DAB1: variants seen among roughly 807,000 people sequenced by gnomAD.
DAB1 encodes disabled homolog 1.
DAB1 carries 15 observed loss-of-function variants against 64.6 expected under a neutral mutation model. That is an observed-to-expected ratio of 0.23 (90% confidence interval 0.16 to 0.36). The LOEUF (loss-of-function observed/expected upper bound fraction) is 0.36. Among genes scored for constraint, DAB1 ranks in the 10% least tolerant of loss-of-function variants. The pLI is 1.00. For synonymous variants in DAB1, 235 were observed against 251.9 expected, an observed-to-expected ratio of 0.93 and a Z score of 0.64; for missense variants, 596 against 706.7, an observed-to-expected ratio of 0.84 and a Z score of 1.78.
intron 4 of DAB1, among the ~76,000 whole-genome samples, chr1:58,274,554 G>T (rs1328955017): frequency 7.0e-6 from 1 of 142,748 alleles, no homozygotes; most frequent in East Asian, 2.2e-4. Flanking sequence ...CTTCCTGGCT[G>T]CTTTGTTTAC....
At chr1:58,257,447 T>C (rs1660958726) in intron 4 of DAB1, among the ~76,000 whole-genome samples, 1 of 152,148 alleles carries the variant, frequency 6.6e-6, no homozygotes, top group African/African-American at 2.4e-5. Context: ...TAACACCTTT[T>C]TTTTTCTTTC....
intron 1 of DAB1, among the ~76,000 whole-genome samples, chr1:57,851,885 T>C (rs1479885852): frequency 6.6e-6 from 1 of 152,200 alleles, no homozygotes; most frequent in Non-Finnish European, 1.5e-5. Context: ...CATTCACAAA[T>C]GGCTAACTCC....
intron 5 of DAB1, among the ~76,000 whole-genome samples, chr1:58,134,274 G>A (rs1039116207): frequency 6.6e-6 from 1 of 151,940 alleles, no homozygotes; most frequent in Non-Finnish European, 1.5e-5. Context: ...ATCCTAACAT[G>A]GAGAAAAAAA....
intron 7 of DAB1, among the ~76,000 whole-genome samples, chr1:57,539,621 CT>C (rs1377067503): frequency 6.6e-6 from 1 of 152,186 alleles, no homozygotes; most frequent in Non-Finnish European, 1.5e-5. Flanking sequence ...CTTTGAGCTA[CT>C]TTGTAAAATT....
intron 5 of DAB1, among the ~76,000 whole-genome samples, chr1:57,922,738 C>G (rs572147070): frequency 6.8e-6 from 1 of 147,182 alleles, no homozygotes; most frequent in African/African-American, 2.5e-5. Flanking sequence ...CCCAGCTACT[C>G]GGGAAGCTGA....
chr1:58,299,321 G>A (rs1417028486), intron 4 of DAB1, among the ~76,000 whole-genome samples: 4 of 152,182 alleles, frequency 2.6e-5, no homozygotes, highest in South Asian at 2.1e-4. Flanking sequence ...AGTCCTAAGC[G>A]AGGAGGTATG....
chr1:57,178,344 T>C lies in DAB1; in HGVS notation c.68-32915A>G, dbSNP rs1033988630. 2.0e-5 allele frequency among the ~76,000 whole-genome samples: 3 copies of C among 149,832 alleles called. No homozygotes were observed. The South Asian group carries it at 6.4e-4, about 32-fold the overall frequency. ...CATAGCATAGAACTTCAAACCCAGATGTTATAGAATGGAGTTTTAAAATTG... is the reference window on the plus strand; with the variant it reads ...CATAGCATAGAACTTCAAACCCAGACGTTATAGAATGGAGTTTTAAAATTG... On this transcript the variant is annotated intron_variant, in intron 2 of 14. Coordinates refer to ENST00000371236, the MANE Select transcript of DAB1 (RefSeq NM_001365792.1).
chr1:57,342,871 C>T (rs1192311987), intron 1 of DAB1, among the ~76,000 whole-genome samples: 3 of 152,170 alleles, frequency 2.0e-5, no homozygotes, highest in African/African-American at 7.2e-5. Context: ...AGTGAAGCTG[C>T]AGACCTTTGC....
At chr1:57,420,439 G>A (rs1325923261) in intron 1 of DAB1, among the ~76,000 whole-genome samples, 1 of 152,132 alleles carries the variant, frequency 6.6e-6, no homozygotes, top group Non-Finnish European at 1.5e-5. Flanking sequence ...CACATCCTAG[G>A]GTTATCTGAA....
chr1:57,455,152 G>A (rs139952791), intron 7 of DAB1, among the ~76,000 whole-genome samples: 1 of 152,224 alleles, frequency 6.6e-6, no homozygotes, highest in East Asian at 1.9e-4. Context: ...CCATTGCTTG[G>A]CATGTGCAGA....
intron 4 of DAB1, among the ~76,000 whole-genome samples, chr1:58,187,722 G>A (rs1270656161): frequency 6.7e-6 from 1 of 148,544 alleles, no homozygotes; most frequent in Non-Finnish European, 1.5e-5. Context: ...TGTGATTACA[G>A]GTGTGCACCA....
chr1:58,410,140 C>T (rs1394054152), intron 3 of DAB1, among the ~76,000 whole-genome samples: 1 of 152,188 alleles, frequency 6.6e-6, no homozygotes, highest in African/African-American at 2.4e-5. Context: ...GCCCCGGCCG[C>T]CCCTCCACTT....
At chr1:57,600,017 C>T (rs935876283) in intron 7 of DAB1, among the ~76,000 whole-genome samples, 2 of 152,122 alleles carry the variant, frequency 1.3e-5, no homozygotes, top group African/African-American at 2.4e-5. Context: ...GCTCATTTTT[C>T]GGGTCTCAGA....
Position 57,602,671 on chromosome 1 carries a change from C to T in DAB1, n.625+46921G>A, listed in dbSNP as rs181725263. The stretch of plus-strand genomic sequence containing the variant: ...GACCAGGCTTATAGAAAAATGAAAG[C>T]TAGGACAGATTAAGGTACCTAAGAG... On this transcript the variant is annotated intron_variant and non_coding_transcript_variant, in intron 7 of 20. Transcript: ENST00000485760. 1.0e-3 allele frequency among the ~76,000 whole-genome samples: 154 copies of T among 152,232 alleles called. 4 individuals carry two copies. In the East Asian group the frequency reaches 0.016, roughly 16 times the overall value.
chr1:57,104,300 A>G (rs1434287818), intron 4 of DAB1, among the ~76,000 whole-genome samples: 1 of 152,182 alleles, frequency 6.6e-6, no homozygotes, highest in Non-Finnish European at 1.5e-5. Flanking sequence ...AGTGGCCCAA[A>G]GCAGGCACTG....
chr1:58,142,215 A>ACCTCATTTATCCCCTGCCACT (rs1654325234), intron 5 of DAB1, among the ~76,000 whole-genome samples: 2 of 152,052 alleles, frequency 1.3e-5, no homozygotes, highest in African/African-American at 2.4e-5. Flanking sequence ...TTCCTGCCAC[A>ACCTCATTTATCCCCTGCCACT]CCTCATTTAT....
At chr1:57,659,943 C>T (rs1190105897) in intron 6 of DAB1, among the ~76,000 whole-genome samples, 1 of 150,644 alleles carries the variant, frequency 6.6e-6, no homozygotes, top group African/African-American at 2.4e-5. Context: ...CCCTACTGCT[C>T]TTCAGCCTGG....
chr1:57,588,308 T>G (rs2101565430), intron 7 of DAB1, among the ~76,000 whole-genome samples: 1 of 152,360 alleles, frequency 6.6e-6, no homozygotes, highest in South Asian at 2.1e-4. Context: ...GGTGTTTTCT[T>G]AAAGTTCATC....
intron 7 of DAB1, among the ~76,000 whole-genome samples, chr1:57,499,392 G>A (rs377398527): frequency 3.3e-5 from 5 of 152,172 alleles, no homozygotes; most frequent in African/African-American, 1.2e-4. Flanking sequence ...AGGGAGGTTG[G>A]GGAGGAGCTG....
Sources: gnomAD v4.1 joint callset for allele counts (sites outside exome capture counted in the v4.1 genomes callset) on GRCh38, gnomAD v4.1.1 for gene constraint, MANE v1.5 for transcripts, NCBI Gene and HGNC (gene_info 2026-07-23, HGNC 2026-07-21) for gene names.